The following APOB variants were observed in gnomAD, a reference collection of about 807,000 sequenced individuals.
APOB encodes apolipoprotein B, also known as apolipoprotein B-100.
A neutral mutation model predicts 314.1 loss-of-function variants in APOB; 153 were observed. The ratio of observed to expected loss-of-function variants is 0.49; its 90% CI spans 0.43 to 0.56. APOB has a LOEUF of 0.56. APOB is among the 20% of genes least tolerant of loss of function. The pLI is 0.00. For missense variants in APOB, 5,430 were observed against 5,350.7 expected, an observed-to-expected ratio of 1.01 and a Z score of -0.46; for synonymous variants, 2,087 against 2,036.4, an observed-to-expected ratio of 1.02 and a Z score of -0.67.
chr2:21,005,825 G>C lies in APOB; in HGVS notation c.11043C>G (p.Asp3681Glu), dbSNP rs1663118169. ...GCTTTAGGAAATCCCATAAGCTCTT[G>C]TCATAGACTGGTAGGATGATATTTT... ...FLKNIILPVYDKSLWDFLKLD... is the reference protein window; with the variant it reads ...FLKNIILPVYEKSLWDFLKLD... Residue 3681 changes from aspartate (D) to glutamate (E), a missense_variant, in exon 26 of 29, where the codon GAC becomes GAG. Coordinates refer to ENST00000233242, the MANE Select transcript of APOB (RefSeq NM_000384.3). 2 of 1,613,928 alleles carry C rather than the reference G, an allele frequency of 1.2e-6. No homozygotes were observed. Among genetic ancestry groups the C allele is most frequent in the African/African-American group, 2.7e-5 (2 of 74,926 alleles).
rs762890466 is a variant in APOB, at chr2:21,006,906, T to G, written c.9962A>C (p.Lys3321Thr). Residue 3321 changes from lysine to threonine, a missense_variant, in exon 26 of 29, where the codon AAG becomes ACG. Lys to Thr is a moderately conservative substitution (Grantham distance 78, BLOSUM62 -1). This residue lies in a region of APOB where 3,281 missense variants were observed against 3,171.0 expected (regional missense o/e 1.03). Coordinates refer to ENST00000233242, the MANE Select transcript of APOB (RefSeq NM_000384.3). ...AATATGGCTTATGGTACACAATTCC[T>G]TGAAATCTGGAAGAGAAAGCTTGAG... The part of the protein sequence containing the change: ...RNLKLSLPDF[K>T]ELCTISHIFI... 1 of 1,614,104 alleles carries G rather than the reference T, an allele frequency of 6.2e-7. No individual in the cohort carries two copies. The highest frequency in any genetic ancestry group is 8.5e-7 in the Non-Finnish European group (1 of 1,179,972).
In APOB at chr2:21,013,152, TA is replaced by T. The variant is rs1663374052; in HGVS notation, c.4216+7del. On this transcript the variant is annotated splice_region_variant and intron_variant, in intron 25 of 28. Transcript: ENST00000233242. Reference sequence around the variant, plus strand: ...GCCCGGTGCACCCTTTACCTGAGCATAGCTCACCTTGCACATTGTAGGAAAG... The same window carrying T: ...GCCCGGTGCACCCTTTACCTGAGCATGCTCACCTTGCACATTGTAGGAAAG... 2.5e-6 allele frequency: 4 copies of T among 1,613,272 alleles called. No homozygotes were observed. The highest frequency in any genetic ancestry group is 3.4e-6 in the Non-Finnish European group (4 of 1,179,904).
In APOB at chr2:21,012,437, C is replaced by T; in HGVS notation, c.4431G>A (p.Gln1477=). The part of the protein sequence containing the change: ...ASVHLDSKKK[Q]HLFVKEVKID... ...TCTTGACTTCTTTGACAAACAAATG[C>T]TGTTTCTTTTTGGAGTCCAAATGAA... Residue 1477 remains glutamine (Q), a synonymous_variant, in exon 26 of 29, where the codon CAG becomes CAA. Transcript: ENST00000233242. 1 of 1,614,180 alleles carries T rather than the reference C, an allele frequency of 6.2e-7. No homozygotes were observed. The highest frequency in any genetic ancestry group is 8.5e-7 in the Non-Finnish European group (1 of 1,180,018).
In APOB at chr2:21,019,794, G is replaced by A. The variant is rs1265080226; in HGVS notation, c.2928C>T (p.Cys976=). Residue 976 remains cysteine, a synonymous_variant, in exon 19 of 29, where the codon TGC becomes TGT. Transcript: ENST00000233242. ...TGGCGTTGGAGTAAGCGCCTGAGGT[G>A]CAGTAATTCAGGCCAGGAAAGACTT... is the stretch of plus-strand genomic sequence containing the variant. ...CKQVFPGLNY[C]TSGAYSNASS... is the part of the protein sequence containing the mutation. The A allele has an allele frequency of 2.5e-6, 4 of 1,614,192 alleles. No homozygotes were observed. Among genetic ancestry groups the A allele is most frequent in the African/African-American group, 1.3e-5 (1 of 75,050 alleles).
Position 21,004,387 on chromosome 2 carries a change from T to C in APOB, c.11969A>G (p.Tyr3990Cys), listed in dbSNP as rs1251857523. Residue 3990 changes from tyrosine to cysteine, a missense_variant, in exon 28 of 29, where the codon TAC becomes TGC. Tyr to Cys is a radical substitution (Grantham distance 194, BLOSUM62 -2). Coordinates refer to ENST00000233242, the MANE Select transcript of APOB (RefSeq NM_000384.3). ...GGAGATGCCTTTCTTGTCTTTCTGG[T>C]AGCGCAGATGGAGATCGGTGAACGC... ...SPAFTDLHLR[Y>C]QKDKKGISTS... is the part of the protein sequence containing the mutation. The C allele has an allele frequency of 2.0e-5, 33 of 1,613,918 alleles. No homozygotes were observed. The highest frequency in any genetic ancestry group is 2.2e-5 in the Non-Finnish European group (26 of 1,179,952).
At position 21,023,759 on chromosome 2, in the gene APOB, C is replaced by T. The variant is rs1447583813; in HGVS notation, c.2437-67G>A. On this transcript the variant is annotated intron_variant, in intron 16 of 28. Transcript: ENST00000233242. ...TTAAAGTCGGTTTTGTTAATTACAA[C>T]CTCCCATACATTGGAGAGTAATTCC... is the stretch of plus-strand genomic sequence containing the variant. 10 of 1,373,934 alleles carry T rather than the reference C, an allele frequency of 7.3e-6. No homozygotes were observed. The East Asian group carries it at 1.9e-4, about 26-fold the overall frequency. The allele number at this position is 1,373,934 out of a possible 1,614,324, so 85.1% of individuals were successfully genotyped here.
chr2:21,037,164 C>T lies in APOB; in HGVS notation c.629G>A (p.Gly210Glu), dbSNP rs1664022446. ...GATGGGCTTGAAGCGATCACACTGC[C>T]CCAGGTCTCTTTCAGTGGATATTTC... ...ATEISTERDL[G>E]QCDRFKPIRT... Residue 210 changes from glycine (G) to glutamate (E), a missense_variant, in exon 6 of 29, where the codon GGG becomes GAG. This residue lies in a region of APOB where 2,085 missense variants were observed against 2,079.7 expected (regional missense o/e 1.00). Coordinates refer to ENST00000233242, the MANE Select transcript of APOB (RefSeq NM_000384.3). The T allele has an allele frequency of 6.2e-7, 1 of 1,614,090 alleles. No homozygotes were observed. The highest frequency in any genetic ancestry group is 8.5e-7 in the Non-Finnish European group (1 of 1,180,040).
chr2:21,014,941 C>T, intron 23 of APOB, 132 bp downstream of exon 23: 1 of 989,684 alleles, frequency 1.0e-6, no homozygotes, highest in Admixed American at 2.0e-5. Context: ...TTTTTTTTCT[C>T]CCCAAGAATT....
Position 21,010,761 on chromosome 2 carries a change from A to C in APOB, c.6107T>G (p.Ile2036Ser). 6.2e-7 allele frequency: 1 copy of C among 1,614,052 alleles called. No individual in the cohort carries two copies. The highest frequency in any genetic ancestry group is 8.5e-7 in the Non-Finnish European group (1 of 1,179,904). ...ATCTCTCATCTCTAAAGCATCAATG[A>C]TATTGATGGGCTCACTGAGTAAAAG... ...VPLLLSEPIN[I>S]IDALEMRDAV... is the part of the protein sequence containing the mutation. The change falls in exon 26 of 29, where the codon ATC becomes AGC. Residue 2036 changes from isoleucine (I) to serine (S), a missense_variant. By Grantham distance (142) the Ile-to-Ser change is moderately radical. This residue lies in a region of APOB where 3,281 missense variants were observed against 3,171.0 expected (regional missense o/e 1.03). Coordinates refer to ENST00000233242, the MANE Select transcript of APOB (RefSeq NM_000384.3).
chr2:21,009,198 G>A lies in APOB; in HGVS notation c.7670C>T (p.Ala2557Val), dbSNP rs749632317. ...TGCAAAGTCAGTAAGGTTCTTAGCAGCAAGAGTCCACCAATCAGAAATGTA... is the reference window on the plus strand; with the variant it reads ...TGCAAAGTCAGTAAGGTTCTTAGCAACAAGAGTCCACCAATCAGAAATGTA... ...VTYISDWWTL[A>V]AKNLTDFAEQ... The change falls in exon 26 of 29, where the codon GCT becomes GTT. Residue 2557 changes from alanine to valine, a missense_variant. Physicochemically the swap from Ala to Val is moderately conservative, Grantham distance 64. Coordinates refer to ENST00000233242, the MANE Select transcript of APOB (RefSeq NM_000384.3). The A allele has an allele frequency of 1.2e-6, 2 of 1,613,960 alleles. No individual in the cohort carries two copies. Among genetic ancestry groups the A allele is most frequent in the Non-Finnish European group, 1.7e-6 (2 of 1,179,960 alleles).
At chr2:21,020,438 T>C (rs1158179322) in intron 18 of APOB, among the ~76,000 whole-genome samples, 1 of 152,230 alleles carries the variant, frequency 6.6e-6, no homozygotes, top group Non-Finnish European at 1.5e-5. Flanking sequence ...TTCCTCCCAA[T>C]GTGCTCTGAC....
Position 21,002,886 on chromosome 2 carries a change from G to A in APOB, c.12536C>T (p.Thr4179Ile), listed in dbSNP as rs370180297. 4.9e-5 allele frequency: 79 copies of A among 1,613,558 alleles called. No individual in the cohort carries two copies. The highest frequency in any genetic ancestry group is 6.6e-5 in the Non-Finnish European group (78 of 1,179,868). The change falls in exon 29 of 29, where the codon ACT becomes ATT. Residue 4179 changes from threonine to isoleucine, a missense_variant. Transcript: ENST00000233242. Reference protein sequence around the residue: ...DNVFDGLVRVTQEFHMKVKHL... With the variant: ...DNVFDGLVRVIQEFHMKVKHL... ...CTTGACTTTCATATGGAATTCTTGA[G>A]TAACTCGTACCAAGCCATCAAACAC... is the stretch of plus-strand genomic sequence containing the variant.
intron 5 of APOB, 88 bp downstream of exon 5, chr2:21,037,870 G>A: frequency 1.3e-6 from 2 of 1,517,904 alleles, no homozygotes; most frequent in Non-Finnish European, 1.8e-6. Flanking sequence ...AGCTGACTCA[G>A]TGATCTGCTT....
chr2:21,028,645 A>G (rs890473014), intron 12 of APOB, 107 bp from the exon 13 acceptor site: 1 of 779,384 alleles, frequency 1.3e-6, no homozygotes, highest in Non-Finnish European at 2.2e-6. Context: ...CACAGGTCTA[A>G]TTTCTCTGTA....
chr2:21,034,811 C>A lies in APOB; in HGVS notation c.904+5G>T. ...TCCAGCAACTATGTGGACAGAAACT[C>A]TTACCTTCACCAAAGAAGCGGCTGT... On this transcript the variant is annotated splice_donor_5th_base_variant and intron_variant, in intron 8 of 28. Coordinates refer to ENST00000233242, the MANE Select transcript of APOB (RefSeq NM_000384.3). 2 of 1,561,588 alleles carry A rather than the reference C, an allele frequency of 1.3e-6. No individual in the cohort carries two copies. Among genetic ancestry groups the A allele is most frequent in the Non-Finnish European group, 1.8e-6 (2 of 1,132,064 alleles).
intron 3 of APOB, 69 bp from the exon 4 acceptor site, chr2:21,041,152 G>T: frequency 6.5e-7 from 1 of 1,527,578 alleles, no homozygotes; most frequent in South Asian, 1.2e-5. Flanking sequence ...TGAAGCCCAG[G>T]GCTTAATCTC....
At position 21,037,255 on chromosome 2, in the gene APOB, C is replaced by T. The variant is rs143959032; in HGVS notation, c.538G>A (p.Asp180Asn). Residue 180 changes from aspartate to asparagine, a missense_variant and splice_region_variant, in exon 6 of 29, where the codon GAT becomes AAT. Physicochemically the swap from Asp to Asn is conservative, Grantham distance 23 (BLOSUM62 1). This residue lies in a region of APOB where 2,085 missense variants were observed against 2,079.7 expected (regional missense o/e 1.00). Coordinates refer to ENST00000233242, the MANE Select transcript of APOB (RefSeq NM_000384.3). ...GTGGAGCAGTTTCCATACACGGTATCCTATGGAGGAAGAAGATGCAACCAC... is the reference window on the plus strand; with the variant it reads ...GTGGAGCAGTTTCCATACACGGTATTCTATGGAGGAAGAAGATGCAACCAC... ...TEEAKQVLFL[D>N]TVYGNCSTHF... is the part of the protein sequence containing the mutation. The T allele has an allele frequency of 6.2e-7, 1 of 1,614,040 alleles. No homozygotes were observed. The highest frequency in any genetic ancestry group is 8.5e-7 in the Non-Finnish European group (1 of 1,179,986).
At chr2:21,022,075 C>A (rs1558569809) in intron 18 of APOB, among the ~76,000 whole-genome samples, 1 of 152,168 alleles carries the variant, frequency 6.6e-6, no homozygotes, top group Non-Finnish European at 1.5e-5. Flanking sequence ...CCCATCTCAG[C>A]CTTCTGAGTA....
chr2:21,022,462 G>T (rs929774677), intron 18 of APOB, among the ~76,000 whole-genome samples: 1 of 151,810 alleles, frequency 6.6e-6, no homozygotes, highest in African/African-American at 2.4e-5. Flanking sequence ...TTTTTGGGGG[G>T]GAAAATATTA....
Sources: gnomAD v4.1 joint callset for allele counts (sites outside exome capture counted in the v4.1 genomes callset) on GRCh38, gnomAD v4.1.1 for gene constraint, gnomAD v4.1.1 regional missense constraint, MANE v1.5 for transcripts, NCBI Gene and HGNC (gene_info 2026-07-23, HGNC 2026-07-21) for gene names.